Variants in KALRN observed in about 807,000 individuals in gnomAD.
The protein encoded by KALRN is kalirin.
KALRN carries 70 observed loss-of-function variants against 353.7 expected under a neutral mutation model. The observed-to-expected ratio is 0.20, with a 90% CI of 0.16 to 0.24. The LOEUF (loss-of-function observed/expected upper bound fraction) is 0.24, where lower values mean the gene tolerates loss of function less well. Among genes scored for constraint, KALRN ranks in the 10% least tolerant of loss-of-function variants. The pLI is 1.00. For synonymous variants in KALRN, 1,391 were observed against 1,434.8 expected (o/e 0.97, Z 0.69); for missense variants, 2,791 against 3,756.7 (o/e 0.74, Z 6.72).
chr3:124,044,403 G>T (rs1385160651), intron 1 of KALRN, among the ~76,000 whole-genome samples: 2 of 152,140 alleles, frequency 1.3e-5, no homozygotes, highest in Non-Finnish European at 1.5e-5. Flanking sequence ...TACCAGCTTT[G>T]TGACTTTGTG....
At position 124,684,252 on chromosome 3, in the gene KALRN, A is replaced by T. The variant is rs1235643376; in HGVS notation, c.7377+4735A>T. On this transcript the variant is annotated intron_variant, in intron 51 of 59. Transcript: ENST00000682506. ...TGGTTTTTCTGCTTGCTATTCCCCC[A>T]CCTACACCATCCTGCGGCCACTTGG... 2.6e-5 allele frequency among the ~76,000 whole-genome samples: 4 copies of T among 151,666 alleles called. No homozygotes were observed. The East Asian group carries it at 7.7e-4, about 29-fold the overall frequency.
At chr3:124,287,831 A>G (rs78784372) in intron 5 of KALRN, among the ~76,000 whole-genome samples, 2 of 95,708 alleles carry the variant, frequency 2.1e-5, no homozygotes, top group Non-Finnish European at 2.2e-5. Context: ...ATATATGTAT[A>G]TAATTTTTAT....
chr3:124,525,993 A>G (rs1275677675), intron 33 of KALRN, among the ~76,000 whole-genome samples: 4 of 152,156 alleles, frequency 2.6e-5, no homozygotes, highest in Non-Finnish European at 5.9e-5. Context: ...AAAAGTGATG[A>G]CATTTCAGTT....
chr3:124,217,088 T>C (rs2150566403), intron 1 of KALRN, among the ~76,000 whole-genome samples: 1 of 152,358 alleles, frequency 6.6e-6, no homozygotes, highest in African/African-American at 2.4e-5. Flanking sequence ...TATCTGAATA[T>C]TTGTCCCCCA....
chr3:124,458,167 C>G (rs1416902966), intron 23 of KALRN, among the ~76,000 whole-genome samples: 4 of 149,264 alleles, frequency 2.7e-5, no homozygotes, highest in African/African-American at 9.9e-5. Flanking sequence ...TCCCAGCTAC[C>G]TGGGAGGCTG....
At chr3:124,343,020 T>C (rs2081930765) in intron 9 of KALRN, among the ~76,000 whole-genome samples, 2 of 152,174 alleles carry the variant, frequency 1.3e-5, no homozygotes, top group Non-Finnish European at 2.9e-5. Context: ...CTGGCAATTC[T>C]TTCCCCCAGC....
chr3:124,226,668 C>A (rs929576163), intron 1 of KALRN, among the ~76,000 whole-genome samples: 1 of 152,208 alleles, frequency 6.6e-6, no homozygotes, highest in African/African-American at 2.4e-5. Context: ...GCCCACTTCA[C>A]TTCCCTAGGC....
chr3:124,634,027 G>T, intron 36 of KALRN, 74 bp downstream of exon 36: 11 of 1,054,848 alleles, frequency 1.0e-5, no homozygotes, highest in Non-Finnish European at 1.6e-5. Context: ...TGTGATGGGG[G>T]TAGTCATACT....
intron 51 of KALRN, among the ~76,000 whole-genome samples, chr3:124,691,839 A>G (rs1245872741): frequency 6.6e-6 from 1 of 152,170 alleles, no homozygotes; most frequent in African/African-American, 2.4e-5. Context: ...TTGATTTAAT[A>G]GTTTGAGTGG....
At chr3:124,256,191 T>C (rs930973156) in intron 3 of KALRN, among the ~76,000 whole-genome samples, 1 of 152,122 alleles carries the variant, frequency 6.6e-6, no homozygotes, top group African/African-American at 2.4e-5. Context: ...TGGGAGAAAG[T>C]GGCATTTGTC....
chr3:124,410,186 G>A (rs376234392), intron 13 of KALRN: 10 of 531,788 alleles, frequency 1.9e-5, no homozygotes, highest in South Asian at 5.6e-5. Flanking sequence ...GCCCTCTGAC[G>A]TGACTCTCTT....
At chr3:124,179,525 G>GT (rs1233710763) in intron 1 of KALRN, among the ~76,000 whole-genome samples, 7 of 152,068 alleles carry the variant, frequency 4.6e-5, no homozygotes, top group Middle Eastern at 3.4e-3. Context: ...ATATGAACCA[G>GT]TTTTTTTAGC....
At chr3:124,630,706 C>G (rs186705506) in intron 34 of KALRN, among the ~76,000 whole-genome samples, 36 of 152,194 alleles carry the variant, frequency 2.4e-4, no homozygotes, top group Admixed American at 1.4e-3. Context: ...CAGAACCTAC[C>G]TCATAGAGTT....
At chr3:124,052,358 C>G (rs1044134167) in intron 1 of KALRN, among the ~76,000 whole-genome samples, 1 of 152,162 alleles carries the variant, frequency 6.6e-6, no homozygotes, top group Non-Finnish European at 1.5e-5. Context: ...TCAGCCTTTT[C>G]TTTTGGATTC....
chr3:124,046,971 A>G (rs1331693330), intron 1 of KALRN, among the ~76,000 whole-genome samples: 1 of 150,476 alleles, frequency 6.6e-6, no homozygotes, highest in Admixed American at 6.6e-5. Context: ...ACACTGTGCT[A>G]AGGAAATGTA....
chr3:124,270,865 T>C (rs1327821283), intron 5 of KALRN, among the ~76,000 whole-genome samples: 3 of 143,944 alleles, frequency 2.1e-5, no homozygotes, highest in Non-Finnish European at 4.5e-5. Context: ...AGTCTCGCTC[T>C]GTCGCCCATG....
At chr3:124,612,411 C>T (rs2078098920) in intron 34 of KALRN, among the ~76,000 whole-genome samples, 1 of 152,224 alleles carries the variant, frequency 6.6e-6, no homozygotes, top group Admixed American at 6.5e-5. Flanking sequence ...CCATGTTGGT[C>T]AGGCTGGTCT....
chr3:124,612,467 T>C (rs1180515336), intron 34 of KALRN, among the ~76,000 whole-genome samples: 1 of 152,140 alleles, frequency 6.6e-6, no homozygotes, highest in East Asian at 1.9e-4. Context: ...CCTCCCAAAG[T>C]GCTGGGATTA....
chr3:124,474,566 A>C, intron 25 of KALRN, 97 bp from the exon 26 acceptor site: 4 of 918,356 alleles, frequency 4.4e-6, no homozygotes, highest in South Asian at 4.1e-5. Flanking sequence ...GCCATGTATA[A>C]ATAATTGAGA....
Sources: gnomAD v4.1 joint callset for allele counts (sites outside exome capture counted in the v4.1 genomes callset) on GRCh38, gnomAD v4.1.1 for gene constraint, MANE v1.5 for transcripts, NCBI Gene and HGNC (gene_info 2026-07-23, HGNC 2026-07-21) for gene names.